Variants in FRMPD4 observed in about 807,000 individuals in gnomAD.
The protein encoded by FRMPD4 is FERM and PDZ domain-containing protein 4.
In FRMPD4, 22 loss-of-function variants were observed where a neutral mutation model predicts 94.1. The ratio of observed to expected loss-of-function variants is 0.23; its 90% CI spans 0.17 to 0.33. The LOEUF (loss-of-function observed/expected upper bound fraction) is 0.33. Ranked by LOEUF, FRMPD4 falls within the 10% of genes least tolerant of loss-of-function variation. The probability of loss-of-function intolerance (pLI) is 1.00; values close to 1 mark genes in which losing one functional copy is unlikely to be tolerated. For synonymous variants in FRMPD4, 631 were observed against 548.6 expected (o/e 1.15, Z -2.10); for missense variants, 1,111 against 1,339.9 (o/e 0.83, Z 2.67).
intron 2 of FRMPD4, among the ~76,000 whole-genome samples, chrX:12,560,004 TGATTTATTGAGTTCGG>T (rs1440426982): frequency 5.5e-5 from 4 of 72,989 alleles, no homozygotes; most frequent in Non-Finnish European, 1.0e-4. Context: ...TTCAGATAGA[TGATTTATTGAGTTCGG>T]GAAGTGAACA....
chrX:12,599,340 A>G (rs1445409319), intron 2 of FRMPD4, among the ~76,000 whole-genome samples: 1 of 111,996 alleles, frequency 8.9e-6, no homozygotes, highest in African/African-American at 3.2e-5. Flanking sequence ...AATTAAGAAG[A>G]AAAAGCCTGC....
At chrX:12,438,484 A>G (rs914562991) in intron 1 of FRMPD4, among the ~76,000 whole-genome samples, 8 of 109,959 alleles carry the variant, frequency 7.3e-5, no homozygotes, top group African/African-American at 2.3e-4. Flanking sequence ...ATAATTCCAA[A>G]AGTGGTTTCT....
At chrX:12,077,571 T>G (rs1212742546) in intron 3 of FRMPD4, among the ~76,000 whole-genome samples, 2 of 111,863 alleles carry the variant, frequency 1.8e-5, no homozygotes. Context: ...TCTCATATTT[T>G]CACCCACTTA....
chrX:12,284,078 TA>T (rs1426380889), intron 1 of FRMPD4, among the ~76,000 whole-genome samples: 1 of 112,182 alleles, frequency 8.9e-6, no homozygotes, highest in African/African-American at 3.2e-5. Context: ...TTCTCTCATT[TA>T]TTTTTGTTTC....
intron 3 of FRMPD4, among the ~76,000 whole-genome samples, chrX:11,992,466 G>A (rs2054470244): frequency 9.0e-6 from 1 of 111,457 alleles, no homozygotes; most frequent in Non-Finnish European, 1.9e-5. Flanking sequence ...GGCTTACCCA[G>A]AGTCCCCAGG....
rs759852886 is a variant in FRMPD4 at position 12,439,835 on chromosome X, A to G, written c.42-58845A>G. Among the ~76,000 whole-genome samples, 92 of 111,570 alleles carry G rather than the reference A, an allele frequency of 8.2e-4. 1 individual carries two copies. Among genetic ancestry groups the G allele is most frequent in the Non-Finnish European group, 1.5e-3 (81 of 53,145 alleles). On this transcript the variant is annotated intron_variant, in intron 1 of 16. Coordinates refer to ENST00000675598, the MANE Select transcript of FRMPD4 (RefSeq NM_001368397.1). ...ATTTTGACTTGGTTCAACATACCAA[A>G]TGGTTGTTAACCGTTGGAACCTTAG...
intron 1 of FRMPD4, among the ~76,000 whole-genome samples, chrX:12,215,799 C>G (rs2056801019): frequency 8.9e-6 from 1 of 112,051 alleles, no homozygotes; most frequent in Non-Finnish European, 1.9e-5. Flanking sequence ...GGCCTAACAT[C>G]ATGGTTCTTC....
At chrX:12,179,997 T>C (rs139169226) in intron 1 of FRMPD4, among the ~76,000 whole-genome samples, 444 of 110,276 alleles carry the variant, frequency 4.0e-3, no homozygotes, top group African/African-American at 0.014. Flanking sequence ...ACCAGTTATC[T>C]GTTGGTATTG....
At chrX:12,041,288 C>G (rs1246244440) in intron 3 of FRMPD4, among the ~76,000 whole-genome samples, 1 of 112,148 alleles carries the variant, frequency 8.9e-6, no homozygotes, top group African/African-American at 3.2e-5. Context: ...ATGAATTTGA[C>G]TTACTGTCTG....
At chrX:12,502,336 GAAATATGATAGATGC>G (rs1175408438) in intron 2 of FRMPD4, among the ~76,000 whole-genome samples, 5 of 112,287 alleles carry the variant, frequency 4.5e-5, no homozygotes, top group Non-Finnish European at 7.5e-5. Flanking sequence ...CATTGTTTAA[GAAATATGATAGATGC>G]AAATTTAAAA....
At chrX:11,962,663 A>G (rs2054289613) in intron 3 of FRMPD4, among the ~76,000 whole-genome samples, 1 of 111,530 alleles carries the variant, frequency 9.0e-6, no homozygotes, top group East Asian at 2.8e-4. Context: ...CCTTCAGAAA[A>G]GCAAAACTGG....
chrX:12,233,490 T>C (rs1320252397), intron 1 of FRMPD4, among the ~76,000 whole-genome samples: 1 of 111,875 alleles, frequency 8.9e-6, no homozygotes, highest in Non-Finnish European at 1.9e-5. Context: ...TTATTAGGTC[T>C]TATTTTTTAT....
intron 1 of FRMPD4, among the ~76,000 whole-genome samples, chrX:12,148,077 A>G (rs1054524780): frequency 2.7e-5 from 3 of 112,006 alleles, no homozygotes; most frequent in African/African-American, 9.7e-5. Flanking sequence ...TAATAACCCT[A>G]CAGTAGCCTG....
chrX:12,459,993 G>A (rs2057375444), intron 1 of FRMPD4, among the ~76,000 whole-genome samples: 1 of 111,563 alleles, frequency 9.0e-6, no homozygotes, highest in Non-Finnish European at 1.9e-5. Flanking sequence ...CCATTCTAGT[G>A]GATATCTAAT....
At chrX:12,114,039 T>A (rs1358574501) in intron 3 of FRMPD4, among the ~76,000 whole-genome samples, 1 of 111,953 alleles carries the variant, frequency 8.9e-6, no homozygotes, top group East Asian at 2.8e-4. Flanking sequence ...TCTCTTTGTA[T>A]CTTTTTAAAC....
chrX:11,949,716 G>A (rs1018015259), intron 3 of FRMPD4, among the ~76,000 whole-genome samples: 1 of 111,437 alleles, frequency 9.0e-6, no homozygotes, highest in Non-Finnish European at 1.9e-5. Context: ...AATAGGTGGT[G>A]ATCACACTGA....
chrX:12,295,996 G>A (rs1158391138), intron 1 of FRMPD4, among the ~76,000 whole-genome samples: 1 of 110,874 alleles, frequency 9.0e-6, no homozygotes, highest in Non-Finnish European at 1.9e-5. Flanking sequence ...TTTTCAGGTT[G>A]GATAATTTTT....
intron 3 of FRMPD4, among the ~76,000 whole-genome samples, chrX:11,970,598 T>C (rs2054334941): frequency 8.9e-6 from 1 of 112,339 alleles, no homozygotes; most frequent in African/African-American, 3.2e-5. Flanking sequence ...AGATATGAAC[T>C]ATACAAGAAC....
intron 1 of FRMPD4, among the ~76,000 whole-genome samples, chrX:11,837,243 T>G (rs892292066): frequency 8.9e-6 from 1 of 112,149 alleles, no homozygotes; most frequent in Non-Finnish European, 1.9e-5. Flanking sequence ...TAGTTTATAT[T>G]TCAGTTCATT....
Sources: allele counts gnomAD v4.1 joint callset (sites outside exome capture counted in the v4.1 genomes callset), GRCh38; gene constraint gnomAD v4.1.1; transcripts MANE v1.5; gene names NCBI Gene and HGNC (gene_info 2026-07-23, HGNC 2026-07-21).